Variants in PCDHA7 observed in about 807,000 individuals in gnomAD.
PCDHA7 encodes protocadherin alpha-7.
Under a neutral mutation model 57.2 loss-of-function variants are expected in PCDHA7, and 37 were observed. That is an observed-to-expected ratio of 0.65 (90% CI 0.50 to 0.85). PCDHA7 has a LOEUF of 0.85. Among genes scored for constraint, PCDHA7 ranks in the 40% least tolerant of loss-of-function variants. The probability of loss-of-function intolerance (pLI) is 0.00; values close to 1 mark genes in which losing one functional copy is unlikely to be tolerated. For synonymous variants in PCDHA7, 553 were observed against 558.8 expected (o/e 0.99, Z 0.15); for missense variants, 1,188 against 1,241.8 (o/e 0.96, Z 0.65).
chr5:140,912,227 C>T (rs1422799663), intron 1 of PCDHA7, among the ~76,000 whole-genome samples: 1 of 151,784 alleles, frequency 6.6e-6, no homozygotes, highest in Non-Finnish European at 1.5e-5. Flanking sequence ...TTTCCCAGTC[C>T]ACTGACTCAA....
intron 2 of PCDHA7, among the ~76,000 whole-genome samples, chr5:140,979,920 C>T (rs1554241253): frequency 6.6e-6 from 1 of 152,206 alleles, no homozygotes; most frequent in Non-Finnish European, 1.5e-5. Flanking sequence ...AAGAGAAAGC[C>T]TACAAAGTAT....
chr5:140,911,583 G>C (rs1245667621), intron 1 of PCDHA7, among the ~76,000 whole-genome samples: 4 of 152,150 alleles, frequency 2.6e-5, no homozygotes, highest in African/African-American at 7.2e-5. Context: ...GTGAACTTAG[G>C]AGGAACCAAC....
intron 1 of PCDHA7, chr5:140,875,466 T>A (rs782683106): frequency 2.4e-5 from 39 of 1,599,908 alleles, no homozygotes; most frequent in Admixed American, 1.2e-4. Flanking sequence ...GGCCCTCATT[T>A]TCTGCAATGG....
intron 1 of PCDHA7, chr5:140,862,986 T>C (rs897931834): frequency 3.7e-6 from 2 of 546,930 alleles, no homozygotes; most frequent in Non-Finnish European, 3.6e-6. Flanking sequence ...GTGGCGAAGG[T>C]GCGCACGGTG....
chr5:140,836,955 A>G (rs1227773080), intron 1 of PCDHA7: 1 of 420,702 alleles, frequency 2.4e-6, no homozygotes, highest in Non-Finnish European at 4.1e-6. Flanking sequence ...TCTATGGTTT[A>G]TGTTGGCTAC....
chr5:140,927,409 A>G lies in PCDHA7; in HGVS notation c.2356-51540A>G. The G allele has an allele frequency of 4.3e-6, 7 of 1,614,120 alleles. No individual in the cohort carries two copies. Among genetic ancestry groups the G allele is most frequent in the Non-Finnish European group, 5.9e-6 (7 of 1,179,964 alleles). On this transcript the variant is annotated intron_variant, in intron 1 of 3. Coordinates refer to ENST00000525929, the MANE Select transcript of PCDHA7 (RefSeq NM_018910.3). ...CCCCAGTCAGCACTTTCGCCTGGAC[A>G]TGGGATCGCGGGTTGACGGCAGCGA...
At chr5:140,977,094 T>C (rs1291290436) in intron 1 of PCDHA7, among the ~76,000 whole-genome samples, 1 of 152,206 alleles carries the variant, frequency 6.6e-6, no homozygotes, top group Non-Finnish European at 1.5e-5. Context: ...AATGTGTCAT[T>C]GGGGAAGTGA....
chr5:140,929,080 A>T, intron 1 of PCDHA7: 1 of 1,614,180 alleles, frequency 6.2e-7, no homozygotes, highest in Non-Finnish European at 8.5e-7. Flanking sequence ...GTATGGAAGT[A>T]AGATGGTTTC....
chr5:140,920,559 C>T (rs2153557837), intron 1 of PCDHA7, among the ~76,000 whole-genome samples: 2 of 152,226 alleles, frequency 1.3e-5, no homozygotes, highest in South Asian at 4.1e-4. Context: ...GAAGTGTGGC[C>T]CTTAGGCCAG....
In PCDHA7 at chr5:140,842,731, G is replaced by A. The variant is rs202126810; in HGVS notation, c.2355+5993G>A. Reference sequence around the variant, plus strand: ...TGTTCGTGAAGGAGAACAACCCGCCGGGCTGCCACATCTTCACGGTGTCTG... The same window carrying A: ...TGTTCGTGAAGGAGAACAACCCGCCAGGCTGCCACATCTTCACGGTGTCTG... On this transcript the variant is annotated intron_variant, in intron 1 of 3. Coordinates refer to ENST00000525929, the MANE Select transcript of PCDHA7 (RefSeq NM_018910.3). The A allele has an allele frequency of 1.1e-5, 17 of 1,594,938 alleles. 3 individuals are homozygous for A. The highest frequency in any genetic ancestry group is 5.1e-5 in the Admixed American group (3 of 59,276).
At chr5:140,919,175 T>C (rs1282672890) in intron 1 of PCDHA7, among the ~76,000 whole-genome samples, 1 of 152,248 alleles carries the variant, frequency 6.6e-6, no homozygotes, top group Non-Finnish European at 1.5e-5. Context: ...AGTTGCTATA[T>C]CTTCCTGATT....
chr5:140,927,137 A>T, intron 1 of PCDHA7: 1 of 1,614,052 alleles, frequency 6.2e-7, no homozygotes, highest in Non-Finnish European at 8.5e-7. Context: ...GAGCCGGCGG[A>T]CCGCGAACAG....
intron 1 of PCDHA7, among the ~76,000 whole-genome samples, chr5:140,900,590 G>A (rs984247729): frequency 3.3e-5 from 5 of 152,174 alleles, no homozygotes; most frequent in South Asian, 2.1e-4. Flanking sequence ...TTCTTTACCC[G>A]TTCATCTGAT....
At chr5:140,864,746 A>G (rs989903827) in intron 1 of PCDHA7, 1 of 152,144 alleles carries the variant, frequency 6.6e-6, no homozygotes, top group Admixed American at 6.5e-5. Context: ...AGCACCGATT[A>G]TACTCATTTT....
chr5:140,980,359 C>T (rs369647369), intron 2 of PCDHA7, among the ~76,000 whole-genome samples: 1 of 152,114 alleles, frequency 6.6e-6, no homozygotes. Context: ...GGACTGGGCG[C>T]GGTGGCTCAC....
chr5:140,953,528 C>T (rs2094898852), intron 1 of PCDHA7, among the ~76,000 whole-genome samples: 1 of 152,112 alleles, frequency 6.6e-6, no homozygotes, highest in Non-Finnish European at 1.5e-5. Context: ...AAACGGGAAA[C>T]TCACTTCATG....
At chr5:140,913,384 C>T (rs1018271300) in intron 1 of PCDHA7, among the ~76,000 whole-genome samples, 1 of 152,144 alleles carries the variant, frequency 6.6e-6, no homozygotes, top group Non-Finnish European at 1.5e-5. Flanking sequence ...AGTGGCTCAT[C>T]ATAGCCACTA....
chr5:140,861,061 A>G (rs1278905276), intron 1 of PCDHA7: 1 of 152,226 alleles, frequency 6.6e-6, no homozygotes, highest in Admixed American at 6.5e-5. Context: ...AGAAAATCAG[A>G]TTATTCCTAG....
At position 140,857,364 on chromosome 5, in the gene PCDHA7, G is replaced by A. The variant is rs1464300143; in HGVS notation, c.2355+20626G>A. The A allele has an allele frequency of 2.5e-6, 4 of 1,598,296 alleles. No individual in the cohort carries two copies. In the East Asian group the frequency reaches 8.9e-5, roughly 36 times the overall value. On this transcript the variant is annotated intron_variant, in intron 1 of 3. Coordinates refer to ENST00000525929, the MANE Select transcript of PCDHA7 (RefSeq NM_018910.3). ...TCGCCTCCGCTGTGGGCCACGGCCA[G>A]CGTGTCTGTGGAGGTGGCCGACGTG...
Sources: gnomAD v4.1 joint callset for allele counts (sites outside exome capture counted in the v4.1 genomes callset) on GRCh38, gnomAD v4.1.1 for gene constraint, MANE v1.5 for transcripts, NCBI Gene and HGNC (gene_info 2026-07-23, HGNC 2026-07-21) for gene names.